The following CNTN1 variants were observed in gnomAD, a reference collection of about 807,000 sequenced individuals.
CNTN1 encodes the protein contactin-1.
Under a neutral mutation model 126.4 loss-of-function variants are expected in CNTN1, and 38 were observed. That is an observed-to-expected ratio of 0.30 (90% CI 0.23 to 0.39). The LOEUF is 0.39. CNTN1 is among the 10% of genes least tolerant of loss of function. The probability of loss-of-function intolerance (pLI) is 1.00; values close to 1 mark genes in which losing one functional copy is unlikely to be tolerated. For missense variants in CNTN1, 1,009 were observed against 1,248.4 expected (o/e 0.81, Z 2.89); for synonymous variants, 413 against 422.6 (o/e 0.98, Z 0.28).
intron 1 of CNTN1, among the ~76,000 whole-genome samples, chr12:40,811,730 T>G (rs543213431): frequency 6.6e-6 from 1 of 152,164 alleles, no homozygotes; most frequent in South Asian, 2.1e-4. Flanking sequence ...TTGTGTTTTG[T>G]AATATCACCT....
At chr12:41,028,102 G>GAA in intron 22 of CNTN1, 133 bp downstream of exon 22, 2 of 663,716 alleles carry the variant, frequency 3.0e-6, no homozygotes, top group Non-Finnish European at 2.7e-6. Context: ...TACAATCTTG[G>GAA]CTCATTGCAG....
At chr12:41,041,407 T>C (rs1357427822) in intron 23 of CNTN1, among the ~76,000 whole-genome samples, 1 of 152,182 alleles carries the variant, frequency 6.6e-6, no homozygotes, top group East Asian at 1.9e-4. Context: ...CCGGCTTTGG[T>C]ATCAGGATGA....
chr12:40,950,213 G>C (rs1049646284), intron 14 of CNTN1, among the ~76,000 whole-genome samples: 1 of 150,768 alleles, frequency 6.6e-6, no homozygotes, highest in African/African-American at 2.4e-5. Flanking sequence ...GTATTATCTG[G>C]CCCAAATTAT....
At chr12:40,778,040 A>T (rs1029818291) in intron 1 of CNTN1, among the ~76,000 whole-genome samples, 1 of 151,862 alleles carries the variant, frequency 6.6e-6, no homozygotes, top group African/African-American at 2.4e-5. Flanking sequence ...TTCACTACAA[A>T]TCATTAAACA....
chr12:40,816,105 C>T (rs1941246473), intron 1 of CNTN1, among the ~76,000 whole-genome samples: 1 of 151,896 alleles, frequency 6.6e-6, no homozygotes, highest in South Asian at 2.1e-4. Flanking sequence ...ACTGGCCTGA[C>T]ATTTTCTTTT....
At position 40,943,656 on chromosome 12, in the gene CNTN1, G is replaced by A. The variant is rs780982356; in HGVS notation, c.1439G>A (p.Gly480Asp). Residue 480 changes from glycine to aspartate, a missense_variant, in exon 13 of 24, where the codon GGT becomes GAT. By Grantham distance (94) the Gly-to-Asp change is moderately conservative (BLOSUM62 -1). Transcript: ENST00000551295. Reference protein sequence around the residue: ...EINNITRNDGGIYTCFAENNR... With the variant: ...EINNITRNDGDIYTCFAENNR... ...AACAACATTACAAGGAATGATGGAG[G>A]TATCTATACATGCTTTGCAGAAAAT... 2 of 1,606,668 alleles carry A rather than the reference G, an allele frequency of 1.2e-6. No homozygotes were observed. Among genetic ancestry groups the A allele is most frequent in the Non-Finnish European group, 1.7e-6 (2 of 1,173,588 alleles).
intron 1 of CNTN1, among the ~76,000 whole-genome samples, chr12:40,797,549 C>T (rs1592097929): frequency 1.3e-5 from 2 of 152,032 alleles, no homozygotes; most frequent in East Asian, 3.9e-4. Context: ...CCTGCCATGG[C>T]CTGTTGAAGA....
chr12:40,842,822 T>A (rs1195805750), intron 1 of CNTN1, among the ~76,000 whole-genome samples: 1 of 152,148 alleles, frequency 6.6e-6, no homozygotes, highest in Non-Finnish European at 1.5e-5. Flanking sequence ...CACCATCCAA[T>A]TAATAGACTT....
chr12:40,914,738 A>T (rs139749398), intron 3 of CNTN1, among the ~76,000 whole-genome samples: 3,507 of 152,230 alleles, frequency 0.023, 66 homozygotes, highest in South Asian at 0.048. Flanking sequence ...CTGTTCCTAT[A>T]AAGGTCAAAT....
chr12:40,709,118 T>TA (rs770888514), intron 1 of CNTN1, among the ~76,000 whole-genome samples: 6 of 152,114 alleles, frequency 3.9e-5, no homozygotes, highest in East Asian at 1.9e-4. Flanking sequence ...ATTTCCTAAA[T>TA]AAAAAAAACT....
At chr12:40,993,852 G>A (rs1212952730) in intron 17 of CNTN1, among the ~76,000 whole-genome samples, 2 of 152,032 alleles carry the variant, frequency 1.3e-5, no homozygotes, top group Non-Finnish European at 2.9e-5. Flanking sequence ...AGAGTTACAT[G>A]CGAACCACTG....
chr12:41,024,832 C>A (rs1418888268), intron 20 of CNTN1, among the ~76,000 whole-genome samples: 1 of 151,986 alleles, frequency 6.6e-6, no homozygotes, highest in Non-Finnish European at 1.5e-5. Flanking sequence ...AAATGGAGAC[C>A]ACTTTTATAT....
chr12:40,934,736 T>C (rs116992530), intron 9 of CNTN1, among the ~76,000 whole-genome samples: 88 of 152,160 alleles, frequency 5.8e-4, no homozygotes, highest in South Asian at 2.1e-3. Context: ...GTTGTCTCCA[T>C]CTCCAGTTTT....
chr12:40,766,690 G>C (rs1421676567), intron 1 of CNTN1, among the ~76,000 whole-genome samples: 1 of 152,232 alleles, frequency 6.6e-6, no homozygotes, highest in Non-Finnish European at 1.5e-5. Flanking sequence ...TGGAAGGACA[G>C]GTGGTGGTGG....
intron 23 of CNTN1, among the ~76,000 whole-genome samples, chr12:41,068,542 T>C (rs1387065912): frequency 6.6e-6 from 1 of 152,040 alleles, no homozygotes; most frequent in Non-Finnish European, 1.5e-5. Context: ...CAGGGCAATG[T>C]TGAAGACAAG....
intron 1 of CNTN1, among the ~76,000 whole-genome samples, chr12:40,789,947 TTGA>T (rs1940159317): frequency 6.6e-6 from 1 of 152,144 alleles, no homozygotes; most frequent in Non-Finnish European, 1.5e-5. Context: ...ATTTACACCT[TTGA>T]TATCTGCTAA....
At chr12:40,951,815 T>G (rs1342170093) in intron 14 of CNTN1, among the ~76,000 whole-genome samples, 1 of 151,932 alleles carries the variant, frequency 6.6e-6, no homozygotes, top group Non-Finnish European at 1.5e-5. Context: ...GCTAATGTCT[T>G]TAGAAATTGC....
intron 1 of CNTN1, among the ~76,000 whole-genome samples, chr12:40,752,162 C>T (rs1721122677): frequency 6.6e-6 from 1 of 151,962 alleles, no homozygotes; most frequent in Non-Finnish European, 1.5e-5. Flanking sequence ...GAAACAAAGG[C>T]TTTATTATGC....
chr12:40,869,227 G>GA (rs528116000), intron 1 of CNTN1, among the ~76,000 whole-genome samples: 4 of 148,478 alleles, frequency 2.7e-5, no homozygotes, highest in Non-Finnish European at 6.0e-5. Flanking sequence ...ATTAAATATT[G>GA]AAAAAAAATA....
Sources: allele counts gnomAD v4.1 joint callset (sites outside exome capture counted in the v4.1 genomes callset), GRCh38; gene constraint gnomAD v4.1.1; transcripts MANE v1.5; gene names NCBI Gene and HGNC (gene_info 2026-07-23, HGNC 2026-07-21).